The following ATP6V1B2 variants were observed in gnomAD, a reference collection of about 807,000 sequenced individuals.
The protein encoded by ATP6V1B2 is ATPase H+ transporting V1 subunit B2, also known as V-type proton ATPase subunit B, brain isoform.
A neutral mutation model predicts 66.7 loss-of-function variants in ATP6V1B2; 23 were observed. The observed-to-expected ratio is 0.34, with a 90% CI of 0.25 to 0.49. The LOEUF (loss-of-function observed/expected upper bound fraction) is 0.49, where lower values mean the gene tolerates loss of function less well. ATP6V1B2 is among the 20% of genes least tolerant of loss of function. The pLI, the probability that ATP6V1B2 is intolerant of heterozygous loss-of-function variation, is 0.99. For missense variants in ATP6V1B2, 478 were observed against 650.8 expected, an observed-to-expected ratio of 0.73 and a Z score of 2.89; for synonymous variants, 278 against 236.7, an observed-to-expected ratio of 1.17 and a Z score of -1.60.
intron 13 of ATP6V1B2, among the ~76,000 whole-genome samples, chr8:20,218,977 C>T (rs2072881972): frequency 6.6e-6 from 1 of 151,420 alleles, no homozygotes; most frequent in Non-Finnish European, 1.5e-5. Flanking sequence ...AACTCAAGCT[C>T]AGTAACTGGG....
intron 10 of ATP6V1B2, 96 bp downstream of exon 10, chr8:20,215,064 T>A: frequency 3.8e-6 from 5 of 1,321,322 alleles, no homozygotes; most frequent in African/African-American, 3.0e-5. Flanking sequence ...TGAGAACACA[T>A]CCCCTAAGAG....
chr8:20,199,960 T>C (rs2072668197), intron 1 of ATP6V1B2, among the ~76,000 whole-genome samples: 1 of 151,146 alleles, frequency 6.6e-6, no homozygotes, highest in African/African-American at 2.4e-5. Flanking sequence ...AATTGATTGA[T>C]GTTATCATTT....
chr8:20,206,808 A>G (rs749771800), intron 2 of ATP6V1B2, among the ~76,000 whole-genome samples: 6 of 152,184 alleles, frequency 3.9e-5, no homozygotes, highest in Non-Finnish European at 8.8e-5. Context: ...TCTGTCAGGA[A>G]GTCAGGGGAT....
chr8:20,220,147 A>C (rs2072893667), intron 13 of ATP6V1B2, 116 bp from the exon 14 acceptor site: 2 of 1,189,586 alleles, frequency 1.7e-6, no homozygotes, highest in South Asian at 1.7e-5. Flanking sequence ...GGGAGTCCCA[A>C]CTTTTTTTTT....
chr8:20,212,920 T>C lies in ATP6V1B2; in HGVS notation c.927+15T>C. Reference sequence around the variant, plus strand: ...CACTTCGAGAGGTAAGTTGTTCATGTTTTTCCCTCAGTTAAACAAAATTGG... The same window carrying C: ...CACTTCGAGAGGTAAGTTGTTCATGCTTTTCCCTCAGTTAAACAAAATTGG... On this transcript the variant is annotated intron_variant, in intron 9 of 13. Coordinates refer to ENST00000276390, the MANE Select transcript of ATP6V1B2 (RefSeq NM_001693.4). The C allele has an allele frequency of 6.2e-7, 1 of 1,612,862 alleles. No individual in the cohort carries two copies. The highest frequency in any genetic ancestry group is 1.1e-5 in the South Asian group (1 of 90,860).
intron 1 of ATP6V1B2, chr8:20,203,956 C>A: frequency 2.2e-6 from 1 of 455,242 alleles, no homozygotes; most frequent in Non-Finnish European, 4.4e-6. Context: ...TTTTACCTTG[C>A]AGGCTATACA....
At chr8:20,219,735 G>A (rs2072889474) in intron 13 of ATP6V1B2, among the ~76,000 whole-genome samples, 1 of 152,098 alleles carries the variant, frequency 6.6e-6, no homozygotes, top group African/African-American at 2.4e-5. Flanking sequence ...ATTTATTTGT[G>A]GGGATAAGGA....
At position 20,214,826 on chromosome 8, in the gene ATP6V1B2, A is replaced by G. The variant is rs770259438; in HGVS notation, c.936A>G (p.Ala312=). The G allele has an allele frequency of 6.2e-6, 10 of 1,611,682 alleles. No homozygotes were observed. Among genetic ancestry groups the G allele is most frequent in the Non-Finnish European group, 8.5e-6 (10 of 1,178,830 alleles). The part of the protein sequence containing the change: ...SYAEALREVS[A]AREEVPGRRG... ...GCTTGACCTGCTGTCAGGTTTCAGC[A>G]GCCAGGGAAGAGGTACCTGGTCGAC... is the stretch of plus-strand genomic sequence containing the variant. The change falls in exon 10 of 14, where the codon GCA becomes GCG. Residue 312 remains alanine (A), a synonymous_variant. Coordinates refer to ENST00000276390, the MANE Select transcript of ATP6V1B2 (RefSeq NM_001693.4).
rs753760564 is a variant in ATP6V1B2, at chr8:20,212,824, T to C, written c.846T>C (p.Ala282=). The change falls in exon 9 of 14, where the codon GCT becomes GCC. Residue 282 remains alanine (A), a synonymous_variant. Coordinates refer to ENST00000276390, the MANE Select transcript of ATP6V1B2 (RefSeq NM_001693.4). ...IITPRLALTT[A]EFLAYQCEKH... ...CTCCTCGCCTGGCTCTAACCACAGC[T>C]GAATTTCTGGCGTACCAATGTGAGA... 4 of 1,613,732 alleles carry C rather than the reference T, an allele frequency of 2.5e-6. No individual in the cohort carries two copies. Among genetic ancestry groups the C allele is most frequent in the South Asian group, 1.1e-5 (1 of 91,078 alleles).
chr8:20,204,374 C>A, intron 1 of ATP6V1B2, 110 bp from the exon 2 acceptor site: 1 of 881,244 alleles, frequency 1.1e-6, no homozygotes. Flanking sequence ...TTGAGTGTAC[C>A]GTATTCTAAT....
At chr8:20,199,604 G>GTTTT (rs11356003) in intron 1 of ATP6V1B2, among the ~76,000 whole-genome samples, 23 of 87,582 alleles carry the variant, frequency 2.6e-4, no homozygotes, top group Non-Finnish European at 3.9e-4. Context: ...ATTTTTGTGG[G>GTTTT]TTTTTTTTTT....
chr8:20,216,279 C>T lies in ATP6V1B2; in HGVS notation c.1079-134C>T, dbSNP rs1563816189. 2 of 680,572 alleles carry T rather than the reference C, an allele frequency of 2.9e-6. 1 individual carries two copies. Among genetic ancestry groups the T allele is most frequent in the South Asian group, 3.9e-5 (2 of 50,832 alleles). The allele number at this position is 680,572 out of a possible 1,614,324, so 42.2% of individuals were successfully genotyped here. On this transcript the variant is annotated intron_variant, in intron 10 of 13. Transcript: ENST00000276390. ...ATTGGCAGCATCACAGAAAATGACT[C>T]TAAGAACACTCTTCTAAGTAATGTT...
intron 8 of ATP6V1B2, 63 bp from the exon 9 acceptor site, chr8:20,212,719 C>A: frequency 1.9e-6 from 3 of 1,579,750 alleles, no homozygotes; most frequent in Non-Finnish European, 2.6e-6. Flanking sequence ...AGAATCATTT[C>A]TTTTTGTGTT....
intron 1 of ATP6V1B2, 49 bp downstream of exon 1, chr8:20,197,591 C>G: frequency 7.6e-7 from 1 of 1,320,840 alleles, no homozygotes; most frequent in Non-Finnish European, 9.8e-7. Flanking sequence ...CCTAGCCTAG[C>G]CCTTTGCTCC....
Position 20,220,340 on chromosome 8 carries a change from C to T in ATP6V1B2, c.1474C>T (p.Leu492=), listed in dbSNP as rs1301452862. 6.2e-7 allele frequency: 1 copy of T among 1,604,186 alleles called. No individual in the cohort carries two copies. Among genetic ancestry groups the T allele is most frequent in the East Asian group, 2.3e-5 (1 of 44,404 alleles). The change falls in exon 14 of 14, where the codon CTG becomes TTG. Residue 492 remains leucine, a synonymous_variant. Transcript: ENST00000276390. ...ACTCCGAATCTTCCCCAAAGAAATG[C>T]TGAAGAGAATCCCTCAGAGCACCCT... ...QLLRIFPKEM[L]KRIPQSTLSE... is the part of the protein sequence containing the mutation.
chr8:20,203,404 G>A (rs1460913192), intron 1 of ATP6V1B2, among the ~76,000 whole-genome samples: 1 of 152,202 alleles, frequency 6.6e-6, no homozygotes, highest in Admixed American at 6.5e-5. Context: ...AAATTCCAAA[G>A]CCACTTGAGT....
Position 20,211,095 on chromosome 8 carries a change from C to G in ATP6V1B2, c.464-82C>G, listed in dbSNP as rs1272208276. ...CTGGTCTTCTGGTGCTTTTTCTTTTCTTTTAATTTGATATGATATCTAATT... is the reference window on the plus strand; with the variant it reads ...CTGGTCTTCTGGTGCTTTTTCTTTTGTTTTAATTTGATATGATATCTAATT... On this transcript the variant is annotated intron_variant, in intron 5 of 13. Coordinates refer to ENST00000276390, the MANE Select transcript of ATP6V1B2 (RefSeq NM_001693.4). 3.3e-6 allele frequency: 5 copies of G among 1,533,624 alleles called. No homozygotes were observed. The African/African-American group carries it at 5.7e-5, about 17-fold the overall frequency.
intron 1 of ATP6V1B2, among the ~76,000 whole-genome samples, chr8:20,203,183 A>G (rs973821460): frequency 6.6e-6 from 1 of 152,106 alleles, no homozygotes; most frequent in Admixed American, 6.6e-5. Flanking sequence ...TTTTATCTAA[A>G]GTGGGGAAAA....
intron 2 of ATP6V1B2, among the ~76,000 whole-genome samples, chr8:20,207,157 G>A (rs1056319998): frequency 9.2e-5 from 14 of 152,170 alleles, no homozygotes; most frequent in Admixed American, 2.6e-4. Context: ...CCATGTTCAT[G>A]AAGGAAAAGA....
Sources: allele counts gnomAD v4.1 joint callset (sites outside exome capture counted in the v4.1 genomes callset), GRCh38; gene constraint gnomAD v4.1.1; transcripts MANE v1.5; gene names NCBI Gene and HGNC (gene_info 2026-07-23, HGNC 2026-07-21).